ORC4: variants seen among roughly 807,000 people sequenced by gnomAD.
ORC4 encodes the protein origin recognition complex, subunit 4 homolog.
Under a neutral mutation model 63.9 loss-of-function variants are expected in ORC4, and 55 were observed. That is an observed-to-expected ratio of 0.86 (90% CI 0.69 to 1.08). The LOEUF is 1.08. Ranked by LOEUF, ORC4 falls within the 50% of genes least tolerant of loss-of-function variation. The pLI is 0.00. For synonymous variants in ORC4, 150 were observed against 168.5 expected (o/e 0.89, Z 0.85); for missense variants, 511 against 504.4 (o/e 1.01, Z -0.13).
At chr2:148,007,788 A>C (rs1692721145) in intron 1 of ORC4, among the ~76,000 whole-genome samples, 1 of 152,214 alleles carries the variant, frequency 6.6e-6, no homozygotes, top group African/African-American at 2.4e-5. Flanking sequence ...TTAAAGTCTC[A>C]AAAGTAAAGG....
intron 1 of ORC4, among the ~76,000 whole-genome samples, chr2:147,996,269 A>C (rs976692164): frequency 3.8e-4 from 58 of 152,280 alleles, no homozygotes; most frequent in African/African-American, 1.3e-3. Flanking sequence ...GTGCCACTGC[A>C]CTCAAGCCTG....
chr2:147,960,868 G>A (rs1302462442), intron 4 of ORC4, among the ~76,000 whole-genome samples: 2 of 152,136 alleles, frequency 1.3e-5, no homozygotes, highest in African/African-American at 2.4e-5. Context: ...CAGCATGGGT[G>A]ACAGAGAGCC....
chr2:148,003,902 T>G (rs1383403947), intron 1 of ORC4, among the ~76,000 whole-genome samples: 1 of 152,222 alleles, frequency 6.6e-6, no homozygotes, highest in Non-Finnish European at 1.5e-5. Context: ...ATAAGCAATT[T>G]CAGCAAAGTG....
chr2:147,958,585 CA>C, intron 5 of ORC4: 1 of 564,898 alleles, frequency 1.8e-6, no homozygotes, highest in Non-Finnish European at 3.1e-6. Flanking sequence ...AAAAAAAAAC[CA>C]AAAAACCCAC....
chr2:148,005,864 T>C (rs1391960273), intron 1 of ORC4, among the ~76,000 whole-genome samples: 1 of 151,978 alleles, frequency 6.6e-6, no homozygotes, highest in African/African-American at 2.4e-5. Flanking sequence ...TAGTGCCAGC[T>C]ACTCGGGAGG....
chr2:147,952,417 A>C lies in ORC4; in HGVS notation c.544T>G (p.Ser182Ala). 1.2e-6 allele frequency: 2 copies of C among 1,610,982 alleles called. No homozygotes were observed. Among genetic ancestry groups the C allele is most frequent in the East Asian group, 4.5e-5 (2 of 44,776 alleles). ...LLYNLFDISQ[S>A]AQTPIAVIGL... Reference sequence around the variant, plus strand: ...ATAACTGCTATTGGGGTCTGTGCAGACTGAGAAATGTCAAAAAGATTATAG... The same window carrying C: ...ATAACTGCTATTGGGGTCTGTGCAGCCTGAGAAATGTCAAAAAGATTATAG... Residue 182 changes from serine (S) to alanine (A), a missense_variant, in exon 8 of 14, where the codon TCT (serine) becomes GCT (alanine). Ser to Ala is a moderately conservative substitution (Grantham distance 99, BLOSUM62 1). Transcript: ENST00000392857.
intron 1 of ORC4, among the ~76,000 whole-genome samples, chr2:148,001,802 G>C (rs934135263): frequency 6.6e-6 from 1 of 152,072 alleles, no homozygotes; most frequent in Non-Finnish European, 1.5e-5. Flanking sequence ...CCAATTAAAA[G>C]ACACAGACTG....
At chr2:147,987,165 T>C (rs2105386369) in intron 1 of ORC4, among the ~76,000 whole-genome samples, 1 of 149,560 alleles carries the variant, frequency 6.7e-6, no homozygotes, top group Non-Finnish European at 1.5e-5. Context: ...GAAACTTTTT[T>C]TAACCTAAGA....
Position 147,952,408 on chromosome 2 carries a change from T to A in ORC4, c.553A>T (p.Thr185Ser). The A allele has an allele frequency of 6.2e-7, 1 of 1,610,146 alleles. No individual in the cohort carries two copies. Among genetic ancestry groups the A allele is most frequent in the South Asian group, 1.1e-5 (1 of 90,932 alleles). The change falls in exon 8 of 14, where the codon ACC (threonine) becomes TCC (serine). Residue 185 changes from threonine (T) to serine (S), a missense_variant. Transcript: ENST00000392857. ...NLFDISQSAQ[T>S]PIAVIGLTCR... ...GTAAGACCAATAACTGCTATTGGGGTCTGTGCAGACTGAGAAATGTCAAAA... is the reference window on the plus strand; with the variant it reads ...GTAAGACCAATAACTGCTATTGGGGACTGTGCAGACTGAGAAATGTCAAAA...
intron 3 of ORC4, 118 bp from the exon 4 acceptor site, chr2:147,972,947 G>A: frequency 2.9e-6 from 2 of 679,078 alleles, no homozygotes; most frequent in Non-Finnish European, 5.3e-6. Flanking sequence ...CTCTCCCTCT[G>A]GGTACTTGGC....
At chr2:147,971,947 T>C (rs1355460782) in intron 4 of ORC4, among the ~76,000 whole-genome samples, 1 of 152,128 alleles carries the variant, frequency 6.6e-6, no homozygotes, top group Non-Finnish European at 1.5e-5. Flanking sequence ...TCAATATACA[T>C]TGCTTAAATG....
intron 1 of ORC4, among the ~76,000 whole-genome samples, chr2:148,019,888 C>T (rs1244804704): frequency 6.6e-6 from 1 of 152,154 alleles, no homozygotes. Context: ...GCAAAAACAG[C>T]TGGCATTTGG....
intron 8 of ORC4, among the ~76,000 whole-genome samples, chr2:147,950,836 A>G (rs759900219): frequency 1.9e-4 from 29 of 151,990 alleles, no homozygotes; most frequent in Admixed American, 5.9e-4. Flanking sequence ...TTATATATAT[A>G]CAATAAAAAA....
At chr2:147,954,708 A>G (rs1328197951) in intron 7 of ORC4, among the ~76,000 whole-genome samples, 2 of 152,188 alleles carry the variant, frequency 1.3e-5, no homozygotes, top group Admixed American at 6.5e-5. Flanking sequence ...AGTAACCAGA[A>G]TTATGCAAAT....
chr2:148,013,067 A>C (rs1463710893), intron 1 of ORC4, among the ~76,000 whole-genome samples: 2 of 152,208 alleles, frequency 1.3e-5, no homozygotes, highest in African/African-American at 4.8e-5. Context: ...ACTATAATCC[A>C]GCAATCCCAC....
intron 1 of ORC4, among the ~76,000 whole-genome samples, chr2:147,996,554 A>G (rs747551301): frequency 3.3e-5 from 5 of 152,240 alleles, no homozygotes; most frequent in Non-Finnish European, 7.3e-5. Flanking sequence ...GTTACACAAA[A>G]TATACAAAGA....
At chr2:147,948,774 C>G (rs1364980744) in intron 8 of ORC4, among the ~76,000 whole-genome samples, 3 of 150,686 alleles carry the variant, frequency 2.0e-5, no homozygotes, top group Non-Finnish European at 3.0e-5. Flanking sequence ...ACACTAAAAA[C>G]CAAAGGATAA....
chr2:147,967,809 A>G (rs550875189), intron 4 of ORC4, among the ~76,000 whole-genome samples: 1 of 152,260 alleles, frequency 6.6e-6, no homozygotes, highest in African/African-American at 2.4e-5. Flanking sequence ...CCTAAAATTC[A>G]TATGAAACAA....
intron 5 of ORC4, 198 bp from the exon 6 acceptor site, chr2:147,958,581 A>C (rs1422791662): frequency 1.0e-5 from 6 of 583,118 alleles, no homozygotes; most frequent in South Asian, 5.1e-5. Flanking sequence ...AAAAAAAAAA[A>C]AACCAAAAAA....
Sources: allele counts gnomAD v4.1 joint callset (sites outside exome capture counted in the v4.1 genomes callset), GRCh38; gene constraint gnomAD v4.1.1; transcripts MANE v1.5; gene names NCBI Gene and HGNC (gene_info 2026-07-23, HGNC 2026-07-21).